SNX14: variants seen among roughly 807,000 people sequenced by gnomAD.
SNX14 encodes the protein sorting nexin-14.
Under a neutral mutation model 133.8 loss-of-function variants are expected in SNX14, and 93 were observed. That is an observed-to-expected ratio of 0.70 (90% CI 0.59 to 0.83). The LOEUF (loss-of-function observed/expected upper bound fraction) is 0.83. SNX14 is among the 40% of genes least tolerant of loss of function. The pLI is 0.00. For synonymous variants in SNX14, 368 were observed against 365.6 expected (o/e 1.01, Z -0.07); for missense variants, 945 against 1,094.9 (o/e 0.86, Z 1.93).
chr6:85,563,969 T>C (rs1335654789), intron 6 of SNX14, among the ~76,000 whole-genome samples: 1 of 152,050 alleles, frequency 6.6e-6, no homozygotes, highest in African/African-American at 2.4e-5. Context: ...CCCCACCCTG[T>C]GTCCAAATGT....
chr6:85,540,241 C>T (rs1783243275), intron 15 of SNX14, among the ~76,000 whole-genome samples: 2 of 152,180 alleles, frequency 1.3e-5, no homozygotes, highest in Admixed American at 6.5e-5. Context: ...GGATTACAGG[C>T]GTGAGCCATC....
intron 7 of SNX14, among the ~76,000 whole-genome samples, chr6:85,553,828 A>C (rs565327421): frequency 7.2e-5 from 11 of 152,080 alleles, no homozygotes; most frequent in Non-Finnish European, 1.2e-4. Flanking sequence ...AGTTATTAAC[A>C]CTGAAAAGTC....
chr6:85,578,494 T>C (rs1002096741), intron 1 of SNX14, among the ~76,000 whole-genome samples: 5 of 151,992 alleles, frequency 3.3e-5, no homozygotes, highest in Non-Finnish European at 7.4e-5. Flanking sequence ...GACAATGAAC[T>C]TTCAGTTGTG....
chr6:85,538,773 G>C, intron 16 of SNX14, 65 bp downstream of exon 16: 1 of 1,408,862 alleles, frequency 7.1e-7, no homozygotes. Context: ...ATTTGTATTA[G>C]GTTGTTCACA....
At chr6:85,582,199 G>T (rs546738617) in intron 1 of SNX14, among the ~76,000 whole-genome samples, 1 of 152,244 alleles carries the variant, frequency 6.6e-6, no homozygotes, top group East Asian at 1.9e-4. Flanking sequence ...GATATAAAGT[G>T]CATGACATAT....
At chr6:85,522,334 T>G (rs142459381) in intron 21 of SNX14, among the ~76,000 whole-genome samples, 1 of 152,194 alleles carries the variant, frequency 6.6e-6, no homozygotes, top group South Asian at 2.1e-4. Flanking sequence ...AACCTTGTTC[T>G]TCTTCTAAAG....
At chr6:85,574,174 T>C in intron 2 of SNX14, 84 bp downstream of exon 2, 1 of 1,108,176 alleles carries the variant, frequency 9.0e-7, no homozygotes, top group Non-Finnish European at 1.2e-6. Context: ...ATTAAAAAAA[T>C]ATACTGCTTT....
At chr6:85,554,809 C>A (rs1192210931) in intron 7 of SNX14, among the ~76,000 whole-genome samples, 1 of 151,954 alleles carries the variant, frequency 6.6e-6, no homozygotes, top group African/African-American at 2.4e-5. Context: ...ATATATATAT[C>A]ATTCTCCTTT....
At chr6:85,554,548 T>C (rs1343609489) in intron 7 of SNX14, among the ~76,000 whole-genome samples, 3 of 152,130 alleles carry the variant, frequency 2.0e-5, no homozygotes, top group African/African-American at 7.2e-5. Context: ...TTGAAAACTT[T>C]TTTTATAAGT....
At chr6:85,540,255 C>T (rs996314876) in intron 15 of SNX14, among the ~76,000 whole-genome samples, 4 of 152,196 alleles carry the variant, frequency 2.6e-5, no homozygotes, top group African/African-American at 9.6e-5. Flanking sequence ...AGCCATCACG[C>T]CCGGCCATCT....
chr6:85,570,256 A>T (rs188178143), intron 4 of SNX14, among the ~76,000 whole-genome samples: 100 of 152,254 alleles, frequency 6.6e-4, no homozygotes, highest in African/African-American at 2.4e-3. Flanking sequence ...TAAATGTGAG[A>T]GCTAATATTT....
At chr6:85,548,222 A>G (rs938972025) in intron 9 of SNX14, 79 bp downstream of exon 9, 2 of 1,004,668 alleles carry the variant, frequency 2.0e-6, no homozygotes, top group African/African-American at 3.3e-5. Context: ...CACTGACTAT[A>G]TACATAAAAA....
intron 1 of SNX14, among the ~76,000 whole-genome samples, chr6:85,577,966 T>C (rs1245472885): frequency 6.6e-6 from 1 of 152,024 alleles, no homozygotes; most frequent in African/African-American, 2.4e-5. Context: ...AGGAGTGAGA[T>C]GGAGGTGAGG....
chr6:85,537,082 A>G (rs1782201967), intron 16 of SNX14, 158 bp from the exon 17 acceptor site: 4 of 590,926 alleles, frequency 6.8e-6, no homozygotes, highest in Non-Finnish European at 1.1e-5. Flanking sequence ...CGGATTAAGT[A>G]TCAACATCTC....
intron 12 of SNX14, 152 bp from the exon 13 acceptor site, chr6:85,543,912 ATAAC>A (rs1784668368): frequency 5.9e-6 from 2 of 339,594 alleles, no homozygotes; most frequent in East Asian, 5.1e-5. Flanking sequence ...TGAGAATAAA[ATAAC>A]TACTCAATAA....
intron 6 of SNX14, among the ~76,000 whole-genome samples, chr6:85,560,798 C>T (rs1791283201): frequency 6.6e-6 from 1 of 152,058 alleles, no homozygotes; most frequent in South Asian, 2.1e-4. Flanking sequence ...CTTTGGGAGA[C>T]CGAGGTGGGT....
intron 21 of SNX14, among the ~76,000 whole-genome samples, chr6:85,525,706 C>T (rs867141215): frequency 9.2e-5 from 14 of 152,086 alleles, no homozygotes; most frequent in South Asian, 4.1e-4. Flanking sequence ...AACTTAAAGA[C>T]GTGGAAAAAT....
chr6:85,506,419 C>T (rs923262418), intron 28 of SNX14, among the ~76,000 whole-genome samples: 2 of 152,082 alleles, frequency 1.3e-5, no homozygotes, highest in African/African-American at 2.4e-5. Flanking sequence ...CAGGTTTAAG[C>T]GATTCTCCTG....
intron 14 of SNX14, among the ~76,000 whole-genome samples, chr6:85,542,635 C>T (rs1429944384): frequency 6.6e-6 from 1 of 152,166 alleles, no homozygotes; most frequent in Non-Finnish European, 1.5e-5. Context: ...ACCTTGTGAT[C>T]CGCCCGCCTC....
Sources: gnomAD v4.1 joint callset for allele counts (sites outside exome capture counted in the v4.1 genomes callset) on GRCh38, gnomAD v4.1.1 for gene constraint, MANE v1.5 for transcripts, NCBI Gene and HGNC (gene_info 2026-07-23, HGNC 2026-07-21) for gene names.